The following SUCLG2 variants were observed in gnomAD, a reference collection of about 807,000 sequenced individuals.
SUCLG2 encodes the protein succinate--CoA ligase [GDP-forming] subunit beta, mitochondrial.
Under a neutral mutation model 47.9 loss-of-function variants are expected in SUCLG2, and 42 were observed. That is an observed-to-expected ratio of 0.88 (90% CI 0.69 to 1.14). The LOEUF (loss-of-function observed/expected upper bound fraction) is 1.14. SUCLG2 is among the 50% of genes most tolerant of loss of function. The pLI is 0.00. For missense variants in SUCLG2, 571 were observed against 525.9 expected, an observed-to-expected ratio of 1.09 and a Z score of -0.84; for synonymous variants, 195 against 197.3, an observed-to-expected ratio of 0.99 and a Z score of 0.10.
At chr3:67,372,260 C>T (rs564222041), downstream of SUCLG2, among the ~76,000 whole-genome samples, 93 of 152,294 alleles carry the variant, frequency 6.1e-4, no homozygotes, top group African/African-American at 2.2e-3. Context: ...AATCCAAAGT[C>T]CAGAAGCCAA....
intron 2 of SUCLG2, among the ~76,000 whole-genome samples, chr3:67,551,595 T>TGGGA (rs1707016384): frequency 6.6e-6 from 1 of 152,108 alleles, no homozygotes; most frequent in Non-Finnish European, 1.5e-5. Context: ...TGTGGCAGCC[T>TGGGA]GGGAGGGAGG....
intron 7 of SUCLG2, among the ~76,000 whole-genome samples, chr3:67,505,276 G>C (rs1705604294): frequency 6.6e-6 from 1 of 152,196 alleles, no homozygotes; most frequent in Non-Finnish European, 1.5e-5. Context: ...GCAAATCCCT[G>C]ATTCTCTTCA....
chr3:67,484,858 A>G (rs553042257), intron 9 of SUCLG2, among the ~76,000 whole-genome samples: 66 of 152,342 alleles, frequency 4.3e-4, no homozygotes, highest in African/African-American at 1.6e-3. Flanking sequence ...CTCCTTTACA[A>G]AGACAGAAAG....
rs903267545 is a variant in SUCLG2, at chr3:67,404,658, G to A, written c.1063-3807C>T. 2.6e-5 allele frequency among the ~76,000 whole-genome samples: 4 copies of A among 151,962 alleles called. No individual in the cohort carries two copies. The South Asian group carries it at 6.2e-4, about 24-fold the overall frequency. On this transcript the variant is annotated intron_variant, in intron 9 of 10. Coordinates refer to ENST00000307227, the MANE Select transcript of SUCLG2 (RefSeq NM_003848.4). ...CTCAACCAGAGATTATGCCATTCTCGCCTTCTCTCCCACTGTAAAGTAATT... is the reference window on the plus strand; with the variant it reads ...CTCAACCAGAGATTATGCCATTCTCACCTTCTCTCCCACTGTAAAGTAATT...
At chr3:67,603,521 T>G (rs1259254249) in intron 2 of SUCLG2, among the ~76,000 whole-genome samples, 1 of 152,200 alleles carries the variant, frequency 6.6e-6, no homozygotes, top group African/African-American at 2.4e-5. Flanking sequence ...CCAAGTTCAA[T>G]AAAAGCTCCT....
chr3:67,634,170 T>A, intron 1 of SUCLG2, among the ~76,000 whole-genome samples: 1 of 152,194 alleles, frequency 6.6e-6, no homozygotes, highest in Non-Finnish European at 1.5e-5. Context: ...AGCCAGTATA[T>A]TGCAGTGCTC....
chr3:67,396,104 T>TA (rs1462047511), intron 10 of SUCLG2, among the ~76,000 whole-genome samples: 4 of 151,642 alleles, frequency 2.6e-5, no homozygotes, highest in Non-Finnish European at 4.4e-5. Flanking sequence ...ACATCACAAT[T>TA]AAAAGAACTA....
At chr3:67,389,380 T>C (rs996796818) in intron 10 of SUCLG2, among the ~76,000 whole-genome samples, 3 of 152,104 alleles carry the variant, frequency 2.0e-5, no homozygotes, top group Non-Finnish European at 2.9e-5. Flanking sequence ...CAAGGAGAGA[T>C]GTGACAGACA....
rs1239613382 is a variant in SUCLG2 at position 67,375,736 on chromosome 3, C to T, written c.*8G>A. ...GCTTTCTTTCTCCATTGGATCAGGA[C>T]AAAGACATCACTTCTTGGCCACACT... On this transcript the variant is annotated 3_prime_UTR_variant, in exon 11 of 11. Coordinates refer to ENST00000307227, the MANE Select transcript of SUCLG2 (RefSeq NM_003848.4). 1.9e-6 allele frequency: 3 copies of T among 1,611,042 alleles called. No homozygotes were observed. In the East Asian group the frequency reaches 6.7e-5, roughly 36 times the overall value.
At chr3:67,468,950 G>C in intron 9 of SUCLG2, among the ~76,000 whole-genome samples, 1 of 152,174 alleles carries the variant, frequency 6.6e-6, no homozygotes, top group East Asian at 1.9e-4. Context: ...CTTCAATCAG[G>C]TGTAAGGAGT....
At chr3:67,563,527 T>G (rs1055803294) in intron 2 of SUCLG2, among the ~76,000 whole-genome samples, 12 of 152,176 alleles carry the variant, frequency 7.9e-5, no homozygotes, top group African/African-American at 2.9e-4. Flanking sequence ...CCCTATACAC[T>G]GACCTCTAAA....
At position 67,508,070 on chromosome 3, in the gene SUCLG2, T is replaced by C. The variant is rs559326484; in HGVS notation, c.757+737A>G. On this transcript the variant is annotated intron_variant, in intron 7 of 10. Transcript: ENST00000307227. ...GGTAGGTACTGATATATAAAAGTTATTTATACTCTACAACTACCTGATGGA... is the reference window on the plus strand; with the variant it reads ...GGTAGGTACTGATATATAAAAGTTACTTATACTCTACAACTACCTGATGGA... 3.9e-5 allele frequency among the ~76,000 whole-genome samples: 6 copies of C among 152,306 alleles called. No homozygotes were observed. The South Asian group carries it at 6.2e-4, about 16-fold the overall frequency.
intron 2 of SUCLG2, among the ~76,000 whole-genome samples, chr3:67,546,198 A>T (rs1476862473): frequency 6.6e-6 from 1 of 152,228 alleles, no homozygotes; most frequent in Non-Finnish European, 1.5e-5. Context: ...TACTTCTTGG[A>T]GTAAAAGAAT....
chr3:67,368,612 T>C (rs778206419), intron 10 of SUCLG2, among the ~76,000 whole-genome samples: 1 of 152,086 alleles, frequency 6.6e-6, no homozygotes, highest in Non-Finnish European at 1.5e-5. Flanking sequence ...ATTTATTTAT[T>C]ATTATTTTTT....
chr3:67,521,665 C>T (rs983930379), intron 4 of SUCLG2, among the ~76,000 whole-genome samples: 11 of 151,706 alleles, frequency 7.3e-5, no homozygotes, highest in Non-Finnish European at 1.2e-4. Flanking sequence ...TGCAGTGGCA[C>T]GATCTCAGCT....
At chr3:67,520,403 C>CTTA in intron 5 of SUCLG2, 79 bp downstream of exon 5, 3 of 1,594,422 alleles carry the variant, frequency 1.9e-6, no homozygotes, top group Non-Finnish European at 2.6e-6. Context: ...TGCTCCTGGC[C>CTTA]TTAGACTCCC....
At chr3:67,437,110 G>A (rs1559525971) in intron 9 of SUCLG2, among the ~76,000 whole-genome samples, 2 of 151,980 alleles carry the variant, frequency 1.3e-5, no homozygotes, top group Admixed American at 1.3e-4. Flanking sequence ...GTGGGGAGAA[G>A]TTTTATGCCA....
intron 6 of SUCLG2, 29 bp from the exon 7 acceptor site, chr3:67,508,932 C>T (rs1366501357): frequency 1.3e-6 from 2 of 1,506,156 alleles, no homozygotes; most frequent in East Asian, 4.7e-5. Flanking sequence ...AATAGAATTA[C>T]ACCAAAGCAG....
intron 2 of SUCLG2, among the ~76,000 whole-genome samples, chr3:67,604,300 G>C (rs1575810223): frequency 6.6e-6 from 1 of 152,122 alleles, no homozygotes; most frequent in Admixed American, 6.5e-5. Flanking sequence ...TCTATATATT[G>C]CACCTTAAAA....
Sources: allele counts gnomAD v4.1 joint callset (sites outside exome capture counted in the v4.1 genomes callset), GRCh38; gene constraint gnomAD v4.1.1; transcripts MANE v1.5; gene names NCBI Gene and HGNC (gene_info 2026-07-23, HGNC 2026-07-21).